The following CFAP206 variants were observed in gnomAD, a reference collection of about 807,000 sequenced individuals.
CFAP206 encodes the protein cilia and flagella associated protein 206, also known as cilia- and flagella-associated protein 206.
CFAP206 carries 53 observed loss-of-function variants against 65.4 expected under a neutral mutation model. That is an observed-to-expected ratio of 0.81 (90% CI 0.65 to 1.02). CFAP206 has a LOEUF of 1.02. Ranked by LOEUF, CFAP206 falls within the 50% of genes least tolerant of loss-of-function variation. The probability of loss-of-function intolerance (pLI) is 0.00; values close to 1 mark genes in which losing one functional copy is unlikely to be tolerated. For synonymous variants in CFAP206, 250 were observed against 254.4 expected (o/e 0.98, Z 0.17); for missense variants, 663 against 753.2 (o/e 0.88, Z 1.40).
chr6:87,429,232 G>GAAAAAAAAAAAAAAAA (rs75293419), intron 9 of CFAP206, among the ~76,000 whole-genome samples: 1 of 81,722 alleles, frequency 1.2e-5, no homozygotes, highest in African/African-American at 4.3e-5. Flanking sequence ...ATCTCAAAAA[G>GAAAAAAAAAAAAAAAA]AAAAAAAAAA....
chr6:87,454,582 C>T (rs1415364319), intron 11 of CFAP206, among the ~76,000 whole-genome samples: 1 of 151,940 alleles, frequency 6.6e-6, no homozygotes, highest in African/African-American at 2.4e-5. Flanking sequence ...TGTGGTGGCT[C>T]ATGCTGTAAT....
chr6:87,412,421 G>A (rs1228519840), intron 3 of CFAP206, among the ~76,000 whole-genome samples: 1 of 152,128 alleles, frequency 6.6e-6, no homozygotes, highest in Non-Finnish European at 1.5e-5. Flanking sequence ...AGCCTACAGA[G>A]TGAGCAGTGA....
intron 11 of CFAP206, among the ~76,000 whole-genome samples, chr6:87,448,697 C>T (rs1172993209): frequency 6.6e-6 from 1 of 152,142 alleles, no homozygotes; most frequent in African/African-American, 2.4e-5. Context: ...CTACTCCCTA[C>T]TTATATGGGC....
At chr6:87,408,201 C>T (rs1325922186) in intron 1 of CFAP206, 112 bp downstream of exon 1, 1 of 313,540 alleles carries the variant, frequency 3.2e-6, no homozygotes, top group African/African-American at 2.3e-5. Flanking sequence ...CCTGCCTCGT[C>T]GAGACTTAGC....
chr6:87,417,779 G>C (rs550641798), intron 6 of CFAP206, among the ~76,000 whole-genome samples: 64 of 137,258 alleles, frequency 4.7e-4, no homozygotes, highest in African/African-American at 1.8e-3. Context: ...TTTTGAGATG[G>C]AGTTTCGTTC....
At chr6:87,418,973 A>T (rs1198868473) in intron 7 of CFAP206, among the ~76,000 whole-genome samples, 1 of 152,094 alleles carries the variant, frequency 6.6e-6, no homozygotes. Flanking sequence ...TTAGCCGGGC[A>T]CAGTGACATG....
At position 87,408,751 on chromosome 6, in the gene CFAP206, C is replaced by T. The variant is rs143975228; in HGVS notation, c.-6+662C>T. 481 of 152,412 alleles carry T rather than the reference C, an allele frequency of 3.2e-3. 2 individuals are homozygous for T. The highest frequency in any genetic ancestry group is 0.011 in the African/African-American group (443 of 41,582). The allele number at this position is 152,412 out of a possible 1,614,324, so 9.4% of individuals were successfully genotyped here. A position where few individuals can be genotyped will look rare whatever the true frequency, so the allele number is the denominator to read the frequency against. Reference sequence around the variant, plus strand: ...CAGGACTAATTTAGTCCTCACACCTCTGGAAAGAAGTGAAGCAAGTGCCCA... The same window carrying T: ...CAGGACTAATTTAGTCCTCACACCTTTGGAAAGAAGTGAAGCAAGTGCCCA... On this transcript the variant is annotated intron_variant, in intron 1 of 12. Coordinates refer to ENST00000369562, the MANE Select transcript of CFAP206 (RefSeq NM_001031743.3).
At chr6:87,432,815 G>C (rs994884150) in intron 10 of CFAP206, among the ~76,000 whole-genome samples, 6 of 152,224 alleles carry the variant, frequency 3.9e-5, no homozygotes, top group African/African-American at 1.4e-4. Context: ...CTGGATAAGT[G>C]AATTCTGACG....
chr6:87,419,350 G>A (rs1344417148), intron 7 of CFAP206, among the ~76,000 whole-genome samples: 1 of 152,056 alleles, frequency 6.6e-6, no homozygotes, highest in Non-Finnish European at 1.5e-5. Context: ...ATGGTAAAGT[G>A]GTGGTTATAA....
chr6:87,455,651 C>T (rs1439318594), intron 11 of CFAP206, among the ~76,000 whole-genome samples: 2 of 151,546 alleles, frequency 1.3e-5, no homozygotes, highest in Non-Finnish European at 2.9e-5. Flanking sequence ...AGAGAAGACC[C>T]AAAGAAAATC....
chr6:87,409,610 T>C (rs560096075), intron 1 of CFAP206, among the ~76,000 whole-genome samples: 8 of 152,012 alleles, frequency 5.3e-5, no homozygotes, highest in Non-Finnish European at 1.0e-4. Flanking sequence ...ATTTATCAAA[T>C]GTTTCAATTA....
chr6:87,446,922 T>C (rs1768451793), intron 11 of CFAP206, among the ~76,000 whole-genome samples: 1 of 152,202 alleles, frequency 6.6e-6, no homozygotes, highest in Non-Finnish European at 1.5e-5. Flanking sequence ...CCTTGTTAGC[T>C]GTATTTCCAG....
At chr6:87,452,776 T>C (rs1216228060) in intron 11 of CFAP206, among the ~76,000 whole-genome samples, 9 of 151,806 alleles carry the variant, frequency 5.9e-5, no homozygotes, top group Non-Finnish European at 1.2e-4. Flanking sequence ...TGAAAATACA[T>C]AGTCAGAGGA....
intron 7 of CFAP206, among the ~76,000 whole-genome samples, chr6:87,424,404 C>G (rs1416846191): frequency 6.6e-6 from 1 of 152,000 alleles, no homozygotes; most frequent in East Asian, 1.9e-4. Flanking sequence ...CTCAGCCTCC[C>G]GAGTAGCTGG....
chr6:87,438,460 C>CAAAAAAAAAAAA (rs757336468), intron 11 of CFAP206, among the ~76,000 whole-genome samples: 1 of 111,022 alleles, frequency 9.0e-6, no homozygotes, highest in African/African-American at 3.5e-5. Flanking sequence ...ACTCTTGTCT[C>CAAAAAAAAAAAA]AAAAAAAAAA....
chr6:87,434,697 C>T (rs1768222843), intron 10 of CFAP206, among the ~76,000 whole-genome samples, 163 bp from the exon 11 acceptor site: 1 of 152,036 alleles, frequency 6.6e-6, no homozygotes, highest in African/African-American at 2.4e-5. Flanking sequence ...GGGGTTTCAC[C>T]TTGTTGGTCA....
At chr6:87,455,266 G>A (rs1012038544) in intron 11 of CFAP206, among the ~76,000 whole-genome samples, 10 of 152,080 alleles carry the variant, frequency 6.6e-5, no homozygotes, top group Non-Finnish European at 1.3e-4. Context: ...TAAACAATAC[G>A]CTCCTTAATG....
At chr6:87,419,678 T>A (rs777025644) in intron 7 of CFAP206, among the ~76,000 whole-genome samples, 12 of 152,232 alleles carry the variant, frequency 7.9e-5, no homozygotes, top group Non-Finnish European at 1.6e-4. Context: ...GACCACCTCT[T>A]CTTTTTAACT....
At chr6:87,429,902 T>C (rs1768128515) in intron 9 of CFAP206, among the ~76,000 whole-genome samples, 2 of 152,212 alleles carry the variant, frequency 1.3e-5, no homozygotes, top group South Asian at 4.1e-4. Context: ...TTTTTATTGC[T>C]CATTTCATTT....
Sources: allele counts gnomAD v4.1 joint callset (sites outside exome capture counted in the v4.1 genomes callset), GRCh38; gene constraint gnomAD v4.1.1; transcripts MANE v1.5; gene names NCBI Gene and HGNC (gene_info 2026-07-23, HGNC 2026-07-21).